HEATR1: variants seen among roughly 807,000 people sequenced by gnomAD.
HEATR1 encodes HEAT repeat-containing protein 1.
A neutral mutation model predicts 248.2 loss-of-function variants in HEATR1; 77 were observed. The observed-to-expected ratio is 0.31, with a 90% CI of 0.26 to 0.37. The LOEUF (loss-of-function observed/expected upper bound fraction) is 0.37, where lower values mean the gene tolerates loss of function less well. HEATR1 is among the 10% of genes least tolerant of loss of function. The pLI, the probability that HEATR1 is intolerant of heterozygous loss-of-function variation, is 1.00. For synonymous variants in HEATR1, 897 were observed against 923.1 expected, an observed-to-expected ratio of 0.97 and a Z score of 0.51; for missense variants, 2,420 against 2,504.9, an observed-to-expected ratio of 0.97 and a Z score of 0.72.
chr1:236,574,467 T>C lies in HEATR1; in HGVS notation c.3328-134A>G, dbSNP rs1371526832. On this transcript the variant is annotated intron_variant, in intron 23 of 44. Transcript: ENST00000366582. ...TTGTCAGTTAAAATGCAATTCTTTT[T>C]AATGACCCATGTACAACGTTCAGTT... is the stretch of plus-strand genomic sequence containing the variant. 12 of 1,236,904 alleles carry C rather than the reference T, an allele frequency of 9.7e-6. No individual in the cohort carries two copies. The East Asian group carries it at 2.7e-4, about 28-fold the overall frequency. 76.6% of individuals were successfully genotyped at this position (1,236,904 alleles called of 1,614,324 possible). A position where few individuals can be genotyped will look rare whatever the true frequency, so the allele number is the denominator to read the frequency against.
chr1:236,602,967 T>C, intron 3 of HEATR1, 193 bp downstream of exon 3: 3 of 579,438 alleles, frequency 5.2e-6, no homozygotes, highest in Non-Finnish European at 9.2e-6. Context: ...AAATCACCAG[T>C]AGTTCTACTT....
rs71178327 is a variant in HEATR1 at position 236,580,824 on chromosome 1, A to ATTTTT, written c.2755+393_2755+397dup. ...AAGCCACCTCGCCTGGCCTTTATCG[A>ATTTTT]TTTTTTTTTTTTTTGAGATGGAGTC... On this transcript the variant is annotated intron_variant, in intron 20 of 44. Transcript: ENST00000366582. Among the ~76,000 whole-genome samples, 6 of 126,650 alleles carry ATTTTT rather than the reference A, an allele frequency of 4.7e-5. 1 individual carries two copies. The highest frequency in any genetic ancestry group is 5.0e-4 in the South Asian group (2 of 4,038). The allele number at this position is 126,650 out of a possible 152,430, so 83.1% of individuals were successfully genotyped here.
In HEATR1 at chr1:236,557,200, A is replaced by G. The variant is rs767050699; in HGVS notation, c.5350T>C (p.Ser1784Pro). The G allele has an allele frequency of 3.1e-6, 5 of 1,613,924 alleles. No individual in the cohort carries two copies. The highest frequency in any genetic ancestry group is 2.2e-5 in the South Asian group (2 of 91,040). ...FISPYLEGIL[S>P]QVIHLEKITS... ...TCGTGGCTATCGTGGCTCACCTGGG[A>G]GAGAATGCCTTCCAGATAGGGGCTG... Residue 1784 changes from serine to proline, a missense_variant, in exon 37 of 45, where the codon TCC becomes CCC. Coordinates refer to ENST00000366582, the MANE Select transcript of HEATR1 (RefSeq NM_018072.6).
rs1662961640 is a variant in HEATR1, at chr1:236,555,935, T to C, written c.5519A>G (p.His1840Arg). The part of the protein sequence containing the change: ...YKQIEKNWKN[H>R]MGPFMSILQE... Reference sequence around the variant, plus strand: ...CAAGATGCTCATAAACGGACCCATGTGATTCTACCAATAACACAGGAAAGA... The same window carrying C: ...CAAGATGCTCATAAACGGACCCATGCGATTCTACCAATAACACAGGAAAGA... The change falls in exon 39 of 45, where the codon CAC (histidine) becomes CGC (arginine). Residue 1840 changes from histidine to arginine, a missense_variant. Physicochemically the swap from His to Arg is conservative, Grantham distance 29. Transcript: ENST00000366582. The C allele has an allele frequency of 6.2e-7, 1 of 1,613,538 alleles. No homozygotes were observed. The highest frequency in any genetic ancestry group is 1.7e-5 in the Admixed American group (1 of 60,014).
intron 11 of HEATR1, among the ~76,000 whole-genome samples, chr1:236,591,501 A>T (rs975491346): frequency 1.1e-4 from 16 of 152,212 alleles, no homozygotes; most frequent in Non-Finnish European, 2.2e-4. Flanking sequence ...TTAAGGCTAA[A>T]TATAAGAACT....
chr1:236,562,441 G>A (rs776659787), intron 32 of HEATR1, among the ~76,000 whole-genome samples: 26 of 152,148 alleles, frequency 1.7e-4, no homozygotes, highest in Non-Finnish European at 2.9e-4. Flanking sequence ...TGTGACATCA[G>A]ACTTTTCCCC....
At chr1:236,582,990 A>C (rs1337219041) in intron 18 of HEATR1, 23 bp downstream of exon 18, 2 of 1,611,888 alleles carry the variant, frequency 1.2e-6, no homozygotes, top group Non-Finnish European at 1.7e-6. Flanking sequence ...TCACATTTAA[A>C]AGATTCACAG....
intron 34 of HEATR1, 53 bp from the exon 35 acceptor site, chr1:236,559,188 A>AG: frequency 1.4e-6 from 2 of 1,439,386 alleles, no homozygotes; most frequent in South Asian, 2.8e-5. Context: ...TAAAAAAAAA[A>AG]CCAACTTCAA....
At chr1:236,566,162 GGGT>G in intron 30 of HEATR1, 117 bp from the exon 31 acceptor site, 1 of 904,528 alleles carries the variant, frequency 1.1e-6, no homozygotes, top group South Asian at 2.0e-5. Context: ...TATTTAGAGT[GGGT>G]CGAGATCTAC....
Position 236,603,336 on chromosome 1 carries a change from G to A in HEATR1, c.183C>T (p.Ser61=), listed in dbSNP as rs1558194956. The A allele has an allele frequency of 3.1e-6, 5 of 1,614,118 alleles. No individual in the cohort carries two copies. The highest frequency in any genetic ancestry group is 2.2e-5 in the East Asian group (1 of 44,876). ...ACAACGGTGCTTCAAACTGCTCAAA[G>A]GAAGGATCAATTCCAAGCAACTCTT... ...GLEELLGIDP[S]FEQFEAPLFS... The change falls in exon 3 of 45, where the codon TCC becomes TCT. Residue 61 remains serine (S), a synonymous_variant. Transcript: ENST00000366582.
rs868490953 is a variant in HEATR1 at position 236,566,027 on chromosome 1, C to G, written c.4327G>C (p.Asp1443His). The G allele has an allele frequency of 9.3e-6, 15 of 1,613,514 alleles. No individual in the cohort carries two copies. Among genetic ancestry groups the G allele is most frequent in the Non-Finnish European group, 1.2e-5 (14 of 1,179,884 alleles). ...CAGACTGAAAACCAAAATTCAGTGT[C>G]TGCTTCTAAAATAGCATCCTGTGTA... is the stretch of plus-strand genomic sequence containing the variant. ...YGEKDAILEA[D>H]TEFWFSVCCE... Residue 1443 changes from aspartate to histidine, a missense_variant, in exon 31 of 45, where the codon GAC (aspartate) becomes CAC (histidine). Coordinates refer to ENST00000366582, the MANE Select transcript of HEATR1 (RefSeq NM_018072.6).
In HEATR1 at chr1:236,557,357, G is replaced by A. The variant is rs369279513; in HGVS notation, c.5205-12C>T. The A allele has an allele frequency of 1.9e-6, 3 of 1,612,862 alleles. No homozygotes were observed. The highest frequency in any genetic ancestry group is 2.7e-5 in the African/African-American group (2 of 74,896). On this transcript the variant is annotated splice_polypyrimidine_tract_variant and intron_variant, in intron 36 of 44. Transcript: ENST00000366582. ...ACGATGGCATCAGGCTAGAAACAAAGTAAGAGCTTTAGAAGAACTTGAAGC... is the reference window on the plus strand; with the variant it reads ...ACGATGGCATCAGGCTAGAAACAAAATAAGAGCTTTAGAAGAACTTGAAGC...
At position 236,569,496 on chromosome 1, in the gene HEATR1, T is replaced by C. The variant is rs371214427; in HGVS notation, c.3949-372A>G. Among the ~76,000 whole-genome samples the C allele has an allele frequency of 1.5e-3, 233 of 152,100 alleles. 10 individuals carry two copies. The South Asian group carries it at 0.045, about 30-fold the overall frequency. The stretch of plus-strand genomic sequence containing the variant: ...TCAACAATTCATTACAACTCACCAA[T>C]AAAAAGAGAAATAACCTGATTAAAA... On this transcript the variant is annotated intron_variant, in intron 28 of 44. Transcript: ENST00000366582.
intron 42 of HEATR1, 106 bp downstream of exon 42, chr1:236,554,492 T>C: frequency 9.5e-7 from 1 of 1,052,170 alleles, no homozygotes; most frequent in Non-Finnish European, 1.4e-6. Context: ...AAAAACAACC[T>C]TACAAAGAAA....
chr1:236,600,824 T>C (rs1272212340), intron 3 of HEATR1, among the ~76,000 whole-genome samples: 1 of 152,142 alleles, frequency 6.6e-6, no homozygotes, highest in Non-Finnish European at 1.5e-5. Context: ...CGTGAGCCAC[T>C]GAACCCAGCC....
At position 236,576,211 on chromosome 1, in the gene HEATR1, G is replaced by A. The variant is rs1370357783; in HGVS notation, c.3084+8C>T. 2 of 1,586,940 alleles carry A rather than the reference G, an allele frequency of 1.3e-6. No homozygotes were observed. The highest frequency in any genetic ancestry group is 2.3e-5 in the East Asian group (1 of 44,342). On this transcript the variant is annotated splice_region_variant and intron_variant, in intron 22 of 44. Transcript: ENST00000366582. ...CAGGAATGTACAATCCACTTAAATG[G>A]CACATACCTCACCGTTGACTCCCTG...
chr1:236,555,980 A>G (rs1385705315), intron 38 of HEATR1, 41 bp from the exon 39 acceptor site: 1 of 1,611,440 alleles, frequency 6.2e-7, no homozygotes, highest in South Asian at 1.1e-5. Flanking sequence ...TTTTCAAATG[A>G]TTCCTAGAGT....
chr1:236,562,633 GGTATCAAT>G (rs1663162185), intron 32 of HEATR1, among the ~76,000 whole-genome samples: 1 of 152,074 alleles, frequency 6.6e-6, no homozygotes, highest in African/African-American at 2.4e-5. Context: ...CTTACAGTTT[GGTATCAAT>G]GTATCAATAT....
At position 236,590,883 on chromosome 1, in the gene HEATR1, G is replaced by A. The variant is rs758055508; in HGVS notation, c.1494C>T (p.Ala498=). Residue 498 remains alanine (A), a synonymous_variant, in exon 12 of 45, where the codon GCC becomes GCT. Transcript: ENST00000366582. ...TCATGATCTTTTTCAAATGATTCAT[G>A]GCCAGAATTCTCACAGGAGCAAGTG... ...NHPLAPVRIL[A]MNHLKKIMKT... 4.6e-6 allele frequency: 7 copies of A among 1,519,974 alleles called. No individual in the cohort carries two copies. In the East Asian group the frequency reaches 1.2e-4, roughly 25 times the overall value. 94.2% of individuals were successfully genotyped at this position (1,519,974 alleles called of 1,614,324 possible). A position where few individuals can be genotyped will look rare whatever the true frequency, so the allele number is the denominator to read the frequency against.
Sources: allele counts gnomAD v4.1 joint callset (sites outside exome capture counted in the v4.1 genomes callset), GRCh38; gene constraint gnomAD v4.1.1; transcripts MANE v1.5; gene names NCBI Gene and HGNC (gene_info 2026-07-23, HGNC 2026-07-21).